The following RP1L1 variants were observed in gnomAD, a reference collection of about 807,000 sequenced individuals.
RP1L1 encodes retinitis pigmentosa 1-like 1 protein.
RP1L1 carries 27 observed loss-of-function variants against 15.7 expected under a neutral mutation model. That is an observed-to-expected ratio of 1.72 (90% CI 1.27 to 2.38). The LOEUF is 2.38. Among genes scored for constraint, RP1L1 ranks in the 30% most tolerant of loss-of-function variants. RP1L1 has a pLI of 0.00. For missense variants in RP1L1, 4,798 were observed against 3,075.9 expected (o/e 1.56, Z -13.24); for synonymous variants, 1,813 against 1,276.7 (o/e 1.42, Z -8.96).
chr8:10,612,398 T>C lies in RP1L1; in HGVS notation c.1700A>G (p.Glu567Gly). The change falls in exon 4 of 4, where the codon GAG (glutamate) becomes GGG (glycine). Residue 567 changes from glutamate to glycine, a missense_variant. Glu to Gly is a moderately conservative substitution (Grantham distance 98). Transcript: ENST00000382483. ...AGCGGGGTCGCCTCCCTCGCTGGCC[T>C]CCTGCTGAGAGGTCTCGGCCCTTGC... ...GKARAETSQQ[E>G]ASEGGDPASP... 6.2e-7 allele frequency: 1 copy of C among 1,612,754 alleles called. No individual in the cohort carries two copies. The highest frequency in any genetic ancestry group is 2.2e-5 in the East Asian group (1 of 44,872).
At chr8:10,643,439 C>T (rs902528472) in intron 1 of RP1L1, among the ~76,000 whole-genome samples, 4 of 152,208 alleles carry the variant, frequency 2.6e-5, no homozygotes, top group African/African-American at 7.2e-5. Context: ...TAGTTCTTCC[C>T]CTTCTGGGAC....
Position 10,611,271 on chromosome 8 carries a change from C to A in RP1L1, c.2827G>T (p.Val943Leu). Reference sequence around the variant, plus strand: ...GAGCGGGGCAGAGAGCTGGGTGACACACCACTGGCCTCCTCCTGCCCCTGG... The same window carrying A: ...GAGCGGGGCAGAGAGCTGGGTGACAAACCACTGGCCTCCTCCTGCCCCTGG... Reference protein sequence around the residue: ...GPQGQEEASGVSPSSLPRSSP... With the variant: ...GPQGQEEASGLSPSSLPRSSP... Residue 943 changes from valine (V) to leucine (L), a missense_variant, in exon 4 of 4, where the codon GTG becomes TTG. By Grantham distance (32) the Val-to-Leu change is conservative (BLOSUM62 1). Transcript: ENST00000382483. 4 of 1,613,020 alleles carry A rather than the reference C, an allele frequency of 2.5e-6. No individual in the cohort carries two copies. Among genetic ancestry groups the A allele is most frequent in the Non-Finnish European group, 3.4e-6 (4 of 1,180,020 alleles).
rs763538477 is a variant in RP1L1 at position 10,613,180 on chromosome 8, G to A, written c.918C>T (p.Gly306=). Residue 306 remains glycine (G), a synonymous_variant, in exon 4 of 4, where the codon GGC becomes GGT. Transcript: ENST00000382483. The part of the protein sequence containing the change: ...TPAQSGPLVA[G]DDMKKKVRMN... ...TGCGGACCTTCTTCTTCATGTCATC[G>A]CCAGCCACCAGCGGGCCCGACTGAG... 33 of 1,613,484 alleles carry A rather than the reference G, an allele frequency of 2.0e-5. No homozygotes were observed. In the East Asian group the frequency reaches 2.2e-4, roughly 11 times the overall value.
intron 1 of RP1L1, among the ~76,000 whole-genome samples, chr8:10,638,697 A>G (rs987205935): frequency 6.6e-6 from 1 of 152,182 alleles, no homozygotes; most frequent in African/African-American, 2.4e-5. Flanking sequence ...TCCTGCAAAG[A>G]AAGAGTTAAC....
chr8:10,610,055 C>A lies in RP1L1; in HGVS notation c.4043G>T (p.Gly1348Val). 3 of 1,246,776 alleles carry A rather than the reference C, an allele frequency of 2.4e-6. No individual in the cohort carries two copies. Among genetic ancestry groups the A allele is most frequent in the South Asian group, 1.4e-5 (1 of 74,018 alleles). 77.2% of individuals were successfully genotyped at this position (1,246,776 alleles called of 1,614,324 possible). Reference sequence around the variant, plus strand: ...TAACTGCGCCTCTTCTTCTTGCTGTCCTTCTCCTTCTGTTTCTTTAGTTTC... The same window carrying A: ...TAACTGCGCCTCTTCTTCTTGCTGTACTTCTCCTTCTGTTTCTTTAGTTTC... ...LEETKETEGE[G>V]QQEEEAQLEE... Residue 1348 changes from glycine (G) to valine (V), a missense_variant, in exon 4 of 4, where the codon GGA becomes GTA. Coordinates refer to ENST00000382483, the MANE Select transcript of RP1L1 (RefSeq NM_178857.6).
At chr8:10,625,154 A>G (rs1408454154) in intron 1 of RP1L1, among the ~76,000 whole-genome samples, 5 of 152,174 alleles carry the variant, frequency 3.3e-5, no homozygotes, top group African/African-American at 2.4e-5. Context: ...TTTCAAAATC[A>G]TGAGGTTTCT....
intron 1 of RP1L1, among the ~76,000 whole-genome samples, chr8:10,630,918 C>G (rs1288506684): frequency 6.6e-6 from 1 of 152,162 alleles, no homozygotes; most frequent in African/African-American, 2.4e-5. Context: ...GACTTCCCAG[C>G]TGGGCTTGTG....
chr8:10,627,788 C>T (rs1236313352), intron 1 of RP1L1, among the ~76,000 whole-genome samples: 2 of 152,098 alleles, frequency 1.3e-5, no homozygotes, highest in Non-Finnish European at 1.5e-5. Flanking sequence ...CACAGCGTTC[C>T]ACACAACAGA....
chr8:10,616,530 C>T lies in RP1L1; in HGVS notation c.667G>A (p.Glu223Lys). Reference protein sequence around the residue: ...SPSVLVCAGHEAFRTPAMKNA... With the variant: ...SPSVLVCAGHKAFRTPAMKNA... ...TTCATGGCTGGGGTTCTGAAGGCCT[C>T]ATGCCCGGCACACACCAGCACAGAG... The change falls in exon 3 of 4, where the codon GAG becomes AAG. Residue 223 changes from glutamate (E) to lysine (K), a missense_variant. Glu to Lys is a moderately conservative substitution (Grantham distance 56). Coordinates refer to ENST00000382483, the MANE Select transcript of RP1L1 (RefSeq NM_178857.6). The T allele has an allele frequency of 6.2e-7, 1 of 1,614,156 alleles. No individual in the cohort carries two copies. The highest frequency in any genetic ancestry group is 8.5e-7 in the Non-Finnish European group (1 of 1,180,038).
At position 10,612,188 on chromosome 8, in the gene RP1L1, C is replaced by T; in HGVS notation, c.1910G>A (p.Gly637Glu). 1.2e-6 allele frequency: 2 copies of T among 1,613,372 alleles called. No homozygotes were observed. Among genetic ancestry groups the T allele is most frequent in the Non-Finnish European group, 1.7e-6 (2 of 1,180,026 alleles). ...GGCCCGGCTTCTGTGCCTTCTCTGC[C>T]CCTGCTGGGATGAAGTGCAGGTGGA... Reference protein sequence around the residue: ...TPSTCTSSQQGQRRHRSRASA... With the variant: ...TPSTCTSSQQEQRRHRSRASA... Residue 637 changes from glycine to glutamate, a missense_variant, in exon 4 of 4, where the codon GGG becomes GAG. Physicochemically the swap from Gly to Glu is moderately conservative, Grantham distance 98. Coordinates refer to ENST00000382483, the MANE Select transcript of RP1L1 (RefSeq NM_178857.6).
chr8:10,628,226 C>CTAGGAGTTTG (rs1277787349), intron 1 of RP1L1, among the ~76,000 whole-genome samples: 3 of 152,298 alleles, frequency 2.0e-5, no homozygotes, highest in Admixed American at 2.0e-4. Context: ...TGAGGTTACA[C>CTAGGAGTTTG]TAGGAGTTTG....
In RP1L1 at chr8:10,607,247, C is replaced by T; in HGVS notation, c.6851G>A (p.Gly2284Asp). Residue 2284 changes from glycine (G) to aspartate (D), a missense_variant, in exon 4 of 4, where the codon GGT becomes GAT. Gly to Asp is a moderately conservative substitution (Grantham distance 94). Transcript: ENST00000382483. The part of the protein sequence containing the change: ...EDRPTPPPSP[G>D]GDTPHQRPGS... ...TGGCCTTTGGTGGGGAGTGTCTCCA[C>T]CTGGGGAAGGGGGTGGAGTGGGCCT... 1 of 1,614,138 alleles carries T rather than the reference C, an allele frequency of 6.2e-7. No individual in the cohort carries two copies. The highest frequency in any genetic ancestry group is 8.5e-7 in the Non-Finnish European group (1 of 1,179,972).
At chr8:10,646,933 C>G (rs570441616) in intron 1 of RP1L1, among the ~76,000 whole-genome samples, 9 of 152,376 alleles carry the variant, frequency 5.9e-5, no homozygotes, top group South Asian at 4.1e-4. Flanking sequence ...AACCTCCCCC[C>G]CTCAGTTGTC....
chr8:10,645,795 G>A (rs1388648859), intron 1 of RP1L1, among the ~76,000 whole-genome samples: 1 of 152,172 alleles, frequency 6.6e-6, no homozygotes, highest in African/African-American at 2.4e-5. Context: ...ATTAGACCAG[G>A]CAGAAGGACA....
chr8:10,636,116 T>A (rs1798326203), intron 1 of RP1L1, among the ~76,000 whole-genome samples: 1 of 152,238 alleles, frequency 6.6e-6, no homozygotes, highest in South Asian at 2.1e-4. Flanking sequence ...GGACTTCAGT[T>A]CCCTCATCTG....
At chr8:10,635,101 G>T (rs11787278) in intron 1 of RP1L1, among the ~76,000 whole-genome samples, 2 of 152,058 alleles carry the variant, frequency 1.3e-5, no homozygotes, top group Non-Finnish European at 2.9e-5. Flanking sequence ...AACCGGGGAG[G>T]GAACAGGTAG....
Position 10,611,393 on chromosome 8 carries a change from C to T in RP1L1, c.2705G>A (p.Gly902Asp). 6.2e-7 allele frequency: 1 copy of T among 1,605,246 alleles called. No individual in the cohort carries two copies. The change falls in exon 4 of 4, where the codon GGC becomes GAC. Residue 902 changes from glycine (G) to aspartate (D), a missense_variant. Coordinates refer to ENST00000382483, the MANE Select transcript of RP1L1 (RefSeq NM_178857.6). ...TRQPGPTPSP[G>D]PNSGASRRSS... ...TCTCCTTGATGCCCCTGAATTGGGG[C>T]CTGGGGACGGCGTGGGGCCTGGCTG...
At chr8:10,632,585 C>G (rs965611420) in intron 1 of RP1L1, among the ~76,000 whole-genome samples, 2 of 152,198 alleles carry the variant, frequency 1.3e-5, no homozygotes, top group Admixed American at 1.3e-4. Flanking sequence ...CTGTAGAATC[C>G]CCGTGTGTTT....
Position 10,607,076 on chromosome 8 carries a change from G to A in RP1L1, c.7022C>T (p.Thr2341Ile). Residue 2341 changes from threonine to isoleucine, a missense_variant, in exon 4 of 4, where the codon ACC becomes ATC. Transcript: ENST00000382483. ...AGTAGAACTTTCTGGGTACATCCTG[G>A]TGGCCTTCCTCTCTGCATGAGGGGT... ...TGTPHAERKA[T>I]RMYPESSTSE... is the part of the protein sequence containing the mutation. The A allele has an allele frequency of 6.2e-7, 1 of 1,614,186 alleles. No individual in the cohort carries two copies. Among genetic ancestry groups the A allele is most frequent in the South Asian group, 1.1e-5 (1 of 91,082 alleles).
Sources: gnomAD v4.1 joint callset for allele counts (sites outside exome capture counted in the v4.1 genomes callset) on GRCh38, gnomAD v4.1.1 for gene constraint, MANE v1.5 for transcripts, NCBI Gene and HGNC (gene_info 2026-07-23, HGNC 2026-07-21) for gene names.